RAP2B: variants seen among roughly 807,000 people sequenced by gnomAD.
RAP2B encodes RAP2B, member of RAS oncogene family.
A neutral mutation model predicts 14.4 loss-of-function variants in RAP2B; 6 were observed. The ratio of observed to expected loss-of-function variants is 0.42; its 90% CI spans 0.23 to 0.82. The LOEUF (loss-of-function observed/expected upper bound fraction) is 0.82, where lower values mean the gene tolerates loss of function less well. Among genes scored for constraint, RAP2B ranks in the 40% least tolerant of loss-of-function variants. The pLI, the probability that RAP2B is intolerant of heterozygous loss-of-function variation, is 0.30. For synonymous variants in RAP2B, 118 were observed against 113.2 expected (o/e 1.04, Z -0.27); for missense variants, 137 against 248.2 (o/e 0.55, Z 3.01).
rs1327604593 is a variant in RAP2B, at chr3:153,168,069, CATTT to C, written c.*4826_*4829del. 1 of 166,990 alleles carries C rather than the reference CATTT, an allele frequency of 6.0e-6. No homozygotes were observed. Among genetic ancestry groups the C allele is most frequent in the Admixed American group, 6.5e-5 (1 of 15,284 alleles). The allele number at this position is 166,990 out of a possible 1,614,324, so 10.3% of individuals were successfully genotyped here. ...TTCCAGGTGTTAGTTAATTCCTTCT[CATTT>C]AGTTCTACTGTAATCCATTCTGGGA... On this transcript the variant is annotated 3_prime_UTR_variant, in exon 1 of 1. Coordinates refer to ENST00000323534, the MANE Select transcript of RAP2B (RefSeq NM_002886.4).
Position 153,165,801 on chromosome 3 carries a change from T to C in RAP2B, c.*2556T>C, listed in dbSNP as rs1353978869. On this transcript the variant is annotated 3_prime_UTR_variant, in exon 1 of 1. Transcript: ENST00000323534. ...AATTAAAAGATACTGTATAATTTTATGCCTTTGCAAAGATTCGTTCTTGTA... is the reference window on the plus strand; with the variant it reads ...AATTAAAAGATACTGTATAATTTTACGCCTTTGCAAAGATTCGTTCTTGTA... 1 of 167,100 alleles carries C rather than the reference T, an allele frequency of 6.0e-6. No homozygotes were observed. The highest frequency in any genetic ancestry group is 1.9e-4 in the East Asian group (1 of 5,206). The allele number at this position is 167,100 out of a possible 1,614,324, so 10.4% of individuals were successfully genotyped here.
chr3:153,167,901 T>C lies in RAP2B; in HGVS notation c.*4656T>C, dbSNP rs1035178914. 6.0e-6 allele frequency: 1 copy of C among 167,010 alleles called. No individual in the cohort carries two copies. The highest frequency in any genetic ancestry group is 1.5e-5 in the Non-Finnish European group (1 of 68,112). 10.3% of individuals were successfully genotyped at this position (167,010 alleles called of 1,614,324 possible). On this transcript the variant is annotated 3_prime_UTR_variant, in exon 1 of 1. Coordinates refer to ENST00000323534, the MANE Select transcript of RAP2B (RefSeq NM_002886.4). ...ATGTCTTCAATAAAAGGGGACACTT[T>C]ATTTGTCTTCTCTTCAACATTAAAA...
chr3:153,163,432 C>T lies in RAP2B; in HGVS notation c.*187C>T. On this transcript the variant is annotated 3_prime_UTR_variant, in exon 1 of 1. Transcript: ENST00000323534. ...CCCTGTGCCCGAGGGGGTGTCCGGT[C>T]CTGCCCATCCGATACTCTGGTGGAA... The T allele has an allele frequency of 2.8e-6, 2 of 716,332 alleles. No homozygotes were observed. The highest frequency in any genetic ancestry group is 4.6e-6 in the Non-Finnish European group (2 of 436,146). 44.4% of individuals were successfully genotyped at this position (716,332 alleles called of 1,614,324 possible).
At position 153,163,126 on chromosome 3, in the gene RAP2B, A is replaced by G. The variant is rs1278559752; in HGVS notation, c.433A>G (p.Thr145Ala). 2 of 1,613,314 alleles carry G rather than the reference A, an allele frequency of 1.2e-6. No homozygotes were observed. Among genetic ancestry groups the G allele is most frequent in the Non-Finnish European group, 1.7e-6 (2 of 1,179,976 alleles). The change falls in exon 1 of 1, where the codon ACG becomes GCG. Residue 145 changes from threonine (T) to alanine (A), a missense_variant. Around this residue, in one of 2 missense-constraint regions of RAP2B, gnomAD observed 106 missense variants for 143.5 expected, o/e 0.74. Coordinates refer to ENST00000323534, the MANE Select transcript of RAP2B (RefSeq NM_002886.4). ...GGAGTGGAGCTGCCCCTTCATGGAG[A>G]CGTCGGCCAAAAACAAAGCCTCGGT... ...AEEWSCPFME[T>A]SAKNKASVDE... is the part of the protein sequence containing the mutation.
In RAP2B at chr3:153,164,024, C is replaced by T. The variant is rs1041260354; in HGVS notation, c.*779C>T. 3 of 166,198 alleles carry T rather than the reference C, an allele frequency of 1.8e-5. No homozygotes were observed. Among genetic ancestry groups the T allele is most frequent in the Non-Finnish European group, 2.9e-5 (2 of 68,000 alleles). The allele number at this position is 166,198 out of a possible 1,614,324, so 10.3% of individuals were successfully genotyped here. On this transcript the variant is annotated 3_prime_UTR_variant, in exon 1 of 1. Coordinates refer to ENST00000323534, the MANE Select transcript of RAP2B (RefSeq NM_002886.4). ...GTGGAAAAAAAATCTATTTTGTTTA[C>T]CTACTGTATCAAAGGGGAGTCTGGG...
At position 153,169,973 on chromosome 3, in the gene RAP2B, G is replaced by A. The variant is rs1182328332; in HGVS notation, c.*6728G>A. 2 of 151,452 alleles carry A rather than the reference G, an allele frequency of 1.3e-5. No individual in the cohort carries two copies. Among genetic ancestry groups the A allele is most frequent in the African/African-American group, 4.9e-5 (2 of 40,722 alleles). The allele number at this position is 151,452 out of a possible 1,614,324, so 9.4% of individuals were successfully genotyped here. On this transcript the variant is annotated 3_prime_UTR_variant, in exon 1 of 1. Coordinates refer to ENST00000323534, the MANE Select transcript of RAP2B (RefSeq NM_002886.4). ...AATGACTAAGTGGTATAGACATGCA[G>A]GAAAAGCAAAATGGGCCTTATGGCT...
rs566181148 is a variant in RAP2B, at chr3:153,167,518, C to T, written c.*4273C>T. On this transcript the variant is annotated 3_prime_UTR_variant, in exon 1 of 1. Coordinates refer to ENST00000323534, the MANE Select transcript of RAP2B (RefSeq NM_002886.4). ...GAAAACCAGTGATCTAGACTGAACTCCAAATGAGTACTATACTGACAGCCA... is the reference window on the plus strand; with the variant it reads ...GAAAACCAGTGATCTAGACTGAACTTCAAATGAGTACTATACTGACAGCCA... The T allele has an allele frequency of 6.0e-6, 1 of 167,096 alleles. No homozygotes were observed. The highest frequency in any genetic ancestry group is 2.4e-5 in the African/African-American group (1 of 41,526). The allele number at this position is 167,096 out of a possible 1,614,324, so 10.4% of individuals were successfully genotyped here. A position where few individuals can be genotyped will look rare whatever the true frequency, so the allele number is the denominator to read the frequency against.
Position 153,162,929 on chromosome 3 carries a change from T to TCA in RAP2B, c.237_238insAC (p.Leu80ThrfsTer25). ...TACATCAAGAACGGCCAGGGCTTCATCCTGGTCTACAGCCTCGTCAACCAG... is the reference window on the plus strand; with the variant it reads ...TACATCAAGAACGGCCAGGGCTTCATCACCTGGTCTACAGCCTCGTCAACCAG... On this transcript the variant is annotated frameshift_variant, in exon 1 of 1. Coordinates refer to ENST00000323534, the MANE Select transcript of RAP2B (RefSeq NM_002886.4). LOFTEE classifies it high-confidence loss of function. The surrounding 1 kb of genome is among the most constrained non-coding windows in gnomAD (Gnocchi z 4.9). 6.2e-7 allele frequency: 1 copy of TCA among 1,614,068 alleles called. No homozygotes were observed. The highest frequency in any genetic ancestry group is 8.5e-7 in the Non-Finnish European group (1 of 1,180,016).
Position 153,163,346 on chromosome 3 carries a change from G to T in RAP2B, c.*101G>T. 2.1e-6 allele frequency: 3 copies of T among 1,436,696 alleles called. No individual in the cohort carries two copies. Among genetic ancestry groups the T allele is most frequent in the Non-Finnish European group, 9.2e-7 (1 of 1,086,456 alleles). 89.0% of individuals were successfully genotyped at this position (1,436,696 alleles called of 1,614,324 possible). A position where few individuals can be genotyped will look rare whatever the true frequency, so the allele number is the denominator to read the frequency against. On this transcript the variant is annotated 3_prime_UTR_variant, in exon 1 of 1. Transcript: ENST00000323534. ...TTGCTTTGAGATTGGAGACCACTTT[G>T]CATTGGCCAGGGTGTCTTGGGAGCC...
In RAP2B at chr3:153,163,328, G is replaced by C. The variant is rs1713464420; in HGVS notation, c.*83G>C. 2 of 1,453,530 alleles carry C rather than the reference G, an allele frequency of 1.4e-6. No individual in the cohort carries two copies. Among genetic ancestry groups the C allele is most frequent in the Non-Finnish European group, 1.8e-6 (2 of 1,101,444 alleles). The allele number at this position is 1,453,530 out of a possible 1,614,324, so 90.0% of individuals were successfully genotyped here. A position where few individuals can be genotyped will look rare whatever the true frequency, so the allele number is the denominator to read the frequency against. Reference sequence around the variant, plus strand: ...CTAAATGTGATTTATTTCTTGCTTTGAGATTGGAGACCACTTTGCATTGGC... The same window carrying C: ...CTAAATGTGATTTATTTCTTGCTTTCAGATTGGAGACCACTTTGCATTGGC... On this transcript the variant is annotated 3_prime_UTR_variant, in exon 1 of 1. Coordinates refer to ENST00000323534, the MANE Select transcript of RAP2B (RefSeq NM_002886.4).
At position 153,164,620 on chromosome 3, in the gene RAP2B, TTGTGA is replaced by T. The variant is rs904480442; in HGVS notation, c.*1379_*1383del. ...AGAAGCAAAGAGCAAAATTTTACTG[TTGTGA>T]TGTACCAATTCTAACTAATTGTAAT... On this transcript the variant is annotated 3_prime_UTR_variant, in exon 1 of 1. Coordinates refer to ENST00000323534, the MANE Select transcript of RAP2B (RefSeq NM_002886.4). 1 of 167,118 alleles carries T rather than the reference TTGTGA, an allele frequency of 6.0e-6. No homozygotes were observed. Among genetic ancestry groups the T allele is most frequent in the African/African-American group, 2.4e-5 (1 of 41,448 alleles). 10.4% of individuals were successfully genotyped at this position (167,118 alleles called of 1,614,324 possible).
In RAP2B at chr3:153,163,635, GT is replaced by G. The variant is rs112079528; in HGVS notation, c.*407del. 0.044 allele frequency: 4,556 copies of G among 103,814 alleles called. 136 individuals are homozygous for G. The highest frequency in any genetic ancestry group is 0.13 in the African/African-American group (3,318 of 25,036). 6.4% of individuals were successfully genotyped at this position (103,814 alleles called of 1,614,324 possible). A position where few individuals can be genotyped will look rare whatever the true frequency, so the allele number is the denominator to read the frequency against. The stretch of plus-strand genomic sequence containing the variant: ...AAAGGAGGGAGAGAAGGTGGAAATG[GT>G]TTTTTTTTTTTTTTTTCTATTTTCT... On this transcript the variant is annotated 3_prime_UTR_variant, in exon 1 of 1. Transcript: ENST00000323534.
In RAP2B at chr3:153,168,398, A is replaced by G. The variant is rs1429217646; in HGVS notation, c.*5153A>G. On this transcript the variant is annotated 3_prime_UTR_variant, in exon 1 of 1. Transcript: ENST00000323534. ...AAGAAAGGCCCTTACTCAAATCTCCATTTTCATTTTTAATGCTTCCTGGAC... is the reference window on the plus strand; with the variant it reads ...AAGAAAGGCCCTTACTCAAATCTCCGTTTTCATTTTTAATGCTTCCTGGAC... The G allele has an allele frequency of 6.0e-6, 1 of 166,824 alleles. No individual in the cohort carries two copies. 10.3% of individuals were successfully genotyped at this position (166,824 alleles called of 1,614,324 possible).
In RAP2B at chr3:153,162,520, G is replaced by A; in HGVS notation, c.-174G>A. On this transcript the variant is annotated 5_prime_UTR_variant, in exon 1 of 1. Coordinates refer to ENST00000323534, the MANE Select transcript of RAP2B (RefSeq NM_002886.4). This position sits in a 1 kb window ranked among gnomAD's most constrained non-coding sequence, Gnocchi z 4.9. ...CGCTGCCGCCGCCGCCGGCCGGCCC[G>A]GCGCCCGGCCTCCGTTCGGTGGTTT... 4 of 729,700 alleles carry A rather than the reference G, an allele frequency of 5.5e-6. No individual in the cohort carries two copies. The highest frequency in any genetic ancestry group is 8.0e-6 in the Non-Finnish European group (4 of 498,146). The allele number at this position is 729,700 out of a possible 1,614,324, so 45.2% of individuals were successfully genotyped here.
In RAP2B at chr3:153,167,345, A is replaced by G. The variant is rs1025040385; in HGVS notation, c.*4100A>G. 1 of 167,168 alleles carries G rather than the reference A, an allele frequency of 6.0e-6. No individual in the cohort carries two copies. Among genetic ancestry groups the G allele is most frequent in the East Asian group, 1.9e-4 (1 of 5,190 alleles). 10.4% of individuals were successfully genotyped at this position (167,168 alleles called of 1,614,324 possible). On this transcript the variant is annotated 3_prime_UTR_variant, in exon 1 of 1. Transcript: ENST00000323534. ...GGTTGAAAGGTTCTCAAACTTGACCATATATCAAAATCACCTGGAGCTTAA... is the reference window on the plus strand; with the variant it reads ...GGTTGAAAGGTTCTCAAACTTGACCGTATATCAAAATCACCTGGAGCTTAA...
chr3:153,163,290 C>T lies in RAP2B; in HGVS notation c.*45C>T. 4 of 1,488,436 alleles carry T rather than the reference C, an allele frequency of 2.7e-6. No individual in the cohort carries two copies. Among genetic ancestry groups the T allele is most frequent in the Non-Finnish European group, 3.6e-6 (4 of 1,121,566 alleles). 92.2% of individuals were successfully genotyped at this position (1,488,436 alleles called of 1,614,324 possible). On this transcript the variant is annotated 3_prime_UTR_variant, in exon 1 of 1. Coordinates refer to ENST00000323534, the MANE Select transcript of RAP2B (RefSeq NM_002886.4). ...CCGCGCTCTGCGCACAAAAGCCAAACGCATCCGACTCTCTAAATGTGATTT... is the reference window on the plus strand; with the variant it reads ...CCGCGCTCTGCGCACAAAAGCCAAATGCATCCGACTCTCTAAATGTGATTT...
Position 153,162,681 on chromosome 3 carries a change from C to A in RAP2B, c.-13C>A, listed in dbSNP as rs1193900401. On this transcript the variant is annotated 5_prime_UTR_variant, in exon 1 of 1. Coordinates refer to ENST00000323534, the MANE Select transcript of RAP2B (RefSeq NM_002886.4). This position sits in a 1 kb window ranked among gnomAD's most constrained non-coding sequence, Gnocchi z 4.9. ...GGGGCCGCGGCAGGCGCGGCGAGAG[C>A]GCTGACGGAGCCATGAGAGAGTACA... is the stretch of plus-strand genomic sequence containing the variant. The A allele has an allele frequency of 3.8e-6, 6 of 1,583,078 alleles. No individual in the cohort carries two copies. The highest frequency in any genetic ancestry group is 3.4e-4 in the Middle Eastern group (2 of 5,928).
Position 153,162,626 on chromosome 3 carries a change from G to T in RAP2B, c.-68G>T, listed in dbSNP as rs1713440906. The T allele has an allele frequency of 2.0e-6, 3 of 1,496,922 alleles. No individual in the cohort carries two copies. The highest frequency in any genetic ancestry group is 2.7e-6 in the Non-Finnish European group (3 of 1,124,428). The allele number at this position is 1,496,922 out of a possible 1,614,324, so 92.7% of individuals were successfully genotyped here. On this transcript the variant is annotated 5_prime_UTR_variant, in exon 1 of 1. Transcript: ENST00000323534. The surrounding 1 kb of genome is among the most constrained non-coding windows in gnomAD (Gnocchi z 4.9). ...AGGGGAAGAGAAGTCCAGCCGCCAAGCCCAGCCTTCCCCGGCGCGCAGCCC... is the reference window on the plus strand; with the variant it reads ...AGGGGAAGAGAAGTCCAGCCGCCAATCCCAGCCTTCCCCGGCGCGCAGCCC...
In RAP2B at chr3:153,162,579, GTT is replaced by G. The variant is rs1713435897; in HGVS notation, c.-111_-110del. 7.8e-7 allele frequency: 1 copy of G among 1,289,116 alleles called. No homozygotes were observed. The highest frequency in any genetic ancestry group is 1.5e-5 in the African/African-American group (1 of 66,544). The allele number at this position is 1,289,116 out of a possible 1,614,324, so 79.9% of individuals were successfully genotyped here. On this transcript the variant is annotated 5_prime_UTR_variant, in exon 1 of 1. Coordinates refer to ENST00000323534, the MANE Select transcript of RAP2B (RefSeq NM_002886.4). The surrounding 1 kb of genome is among the most constrained non-coding windows in gnomAD (Gnocchi z 4.9). Reference sequence around the variant, plus strand: ...CGTTCTCTGGGTTGCTCTCTCCTGGGTTTTTCCTGCGTAGCTGAGGAAGGGGA... The same window carrying G: ...CGTTCTCTGGGTTGCTCTCTCCTGGGTTTCCTGCGTAGCTGAGGAAGGGGA...
Sources: allele counts gnomAD v4.1 joint callset, GRCh38; gene constraint gnomAD v4.1.1; regional missense constraint gnomAD v4.1.1; non-coding constraint Gnocchi (gnomAD v3.1); transcripts MANE v1.5; gene names NCBI Gene and HGNC (gene_info 2026-07-23, HGNC 2026-07-21).